Variants in AFF2 observed in about 807,000 individuals in gnomAD.
AFF2 encodes the protein ALF transcription elongation factor 2.
In AFF2, 14 loss-of-function variants were observed where a neutral mutation model predicts 76.9. The observed-to-expected ratio is 0.18, with a 90% CI of 0.12 to 0.28. AFF2 has a LOEUF of 0.28. AFF2 is among the 10% of genes least tolerant of loss of function. The probability of loss-of-function intolerance (pLI) is 1.00; values close to 1 mark genes in which losing one functional copy is unlikely to be tolerated. For missense variants in AFF2, 868 were observed against 1,001.1 expected (o/e 0.87, Z 1.79); for synonymous variants, 398 against 366.7 (o/e 1.09, Z -0.98).
At chrX:148,580,516 C>T (rs1207368674) in intron 1 of AFF2, among the ~76,000 whole-genome samples, 3 of 111,270 alleles carry the variant, frequency 2.7e-5, no homozygotes, top group African/African-American at 9.8e-5. Context: ...GAAAATGTGT[C>T]TAGATCAGGA....
chrX:148,699,476 A>G (rs1337508287), intron 3 of AFF2, among the ~76,000 whole-genome samples: 2 of 111,765 alleles, frequency 1.8e-5, no homozygotes, highest in Non-Finnish European at 3.8e-5. Flanking sequence ...AATAGCATCT[A>G]TAATGCCATC....
chrX:148,992,074 A>AGT lies in AFF2; in HGVS notation c.*742_*743insGT, dbSNP rs1557292384. 1.0e-3 allele frequency: 115 copies of AGT among 111,984 alleles called. 5 individuals carry two copies. The highest frequency in any genetic ancestry group is 9.7e-3 in the Admixed American group (102 of 10,555). 9.2% of individuals were successfully genotyped at this position (111,984 alleles called of 1,213,427 possible). On this transcript the variant is annotated 3_prime_UTR_variant, in exon 21 of 21. Transcript: ENST00000370460. ...GCTGGCATCAGTGTTTTTCAACTCC[A>AGT]TTATTTGAAGTGTAAATCCTCACCT...
At chrX:148,755,865 T>G (rs1206692343) in intron 3 of AFF2, among the ~76,000 whole-genome samples, 1 of 111,752 alleles carries the variant, frequency 8.9e-6, no homozygotes, top group Non-Finnish European at 1.9e-5. Flanking sequence ...ATCTGAGCCC[T>G]TTGCTCCTTC....
intron 1 of AFF2, among the ~76,000 whole-genome samples, chrX:148,608,906 A>G (rs782773239): frequency 9.9e-4 from 111 of 111,843 alleles, no homozygotes; most frequent in African/African-American, 3.6e-3. Flanking sequence ...TTCAATGTGC[A>G]CTTAAGTTTC....
At chrX:148,957,601 G>A (rs1192197414) in intron 11 of AFF2, among the ~76,000 whole-genome samples, 1 of 112,448 alleles carries the variant, frequency 8.9e-6, no homozygotes, top group Non-Finnish European at 1.9e-5. Flanking sequence ...GTTCACTGGA[G>A]CATTTTCAGA....
In AFF2 at chrX:148,980,773, A is replaced by G. The variant is rs886044827; in HGVS notation, c.3606A>G (p.Pro1202=). 3.4e-6 allele frequency: 4 copies of G among 1,193,553 alleles called. No individual in the cohort carries two copies. Among genetic ancestry groups the G allele is most frequent in the Non-Finnish European group, 4.5e-6 (4 of 882,996 alleles). The part of the protein sequence containing the change: ...NASKVAQIPS[P]WVSNGKNTPS... ...CAAAAGTCGCACAGATACCCTCTCC[A>G]TGGGTAAGCAATGGAAAGTAAGTAT... The change falls in exon 19 of 21, where the codon CCA becomes CCG. Residue 1202 remains proline, a synonymous_variant. Coordinates refer to ENST00000370460, the MANE Select transcript of AFF2 (RefSeq NM_002025.4).
intron 9 of AFF2, among the ~76,000 whole-genome samples, chrX:148,937,654 C>T (rs1221080275): frequency 8.9e-6 from 1 of 111,911 alleles, no homozygotes; most frequent in African/African-American, 3.3e-5. Flanking sequence ...GTTATTCACA[C>T]AAACAGAGTG....
At chrX:148,554,885 C>T (rs1420780340) in intron 1 of AFF2, among the ~76,000 whole-genome samples, 1 of 112,438 alleles carries the variant, frequency 8.9e-6, no homozygotes, top group Non-Finnish European at 1.9e-5. Flanking sequence ...AAGACGCTGG[C>T]AGAGTCAGTC....
Position 148,726,644 on chromosome X carries a change from G to GCCA in AFF2, c.1041+63876_1041+63877insCCA, listed in dbSNP as rs782553702. Among the ~76,000 whole-genome samples the GCCA allele has an allele frequency of 1.5e-3, 171 of 111,830 alleles. 1 individual carries two copies. The highest frequency in any genetic ancestry group is 5.4e-3 in the African/African-American group (168 of 30,832). ...GTATTGATCTCAGTCGTGTCTTTTA[G>GCCA]GGGTCATGGATTTAGCCAGTTAAAA... On this transcript the variant is annotated intron_variant, in intron 3 of 20. Transcript: ENST00000370460.
At chrX:148,813,098 G>T (rs1425787600) in intron 4 of AFF2, among the ~76,000 whole-genome samples, 1 of 112,404 alleles carries the variant, frequency 8.9e-6, no homozygotes, top group African/African-American at 3.2e-5. Context: ...CTTGAACCTC[G>T]TTGTCTTATT....
At chrX:148,581,280 GTA>G (rs1242254914) in intron 1 of AFF2, among the ~76,000 whole-genome samples, 47 of 199 alleles carry the variant, frequency 0.24, 2 homozygotes, top group Non-Finnish European at 0.33. Context: ...ACATATACAC[GTA>G]TATACGTATA....
Position 148,861,151 on chromosome X carries a change from C to A in AFF2, c.1262+17718C>A, listed in dbSNP as rs1307993528. ...TGAGAAATTGAGTATACTGACTCAT[C>A]TTCTAATTGAAAATTGCGTTGCTGC... On this transcript the variant is annotated intron_variant, in intron 7 of 20. Coordinates refer to ENST00000370460, the MANE Select transcript of AFF2 (RefSeq NM_002025.4). Among the ~76,000 whole-genome samples, 4 of 111,602 alleles carry A rather than the reference C, an allele frequency of 3.6e-5. No individual in the cohort carries two copies. In the Admixed American group the frequency reaches 3.8e-4, roughly 11 times the overall value.
At chrX:148,790,688 G>C (rs1380433282) in intron 3 of AFF2, among the ~76,000 whole-genome samples, 11 of 109,410 alleles carry the variant, frequency 1.0e-4, no homozygotes, top group African/African-American at 3.3e-4. Flanking sequence ...GGGCCTGTTG[G>C]GGGTGGGGTT....
At chrX:148,524,992 T>G (rs1473522103) in intron 1 of AFF2, among the ~76,000 whole-genome samples, 1 of 112,504 alleles carries the variant, frequency 8.9e-6, no homozygotes, top group African/African-American at 3.2e-5. Flanking sequence ...GTAAATTAAC[T>G]GTACAAAAAG....
intron 1 of AFF2, among the ~76,000 whole-genome samples, chrX:148,505,029 C>A (rs1346442717): frequency 3.6e-5 from 4 of 110,801 alleles, no homozygotes; most frequent in African/African-American, 1.3e-4. Context: ...AGATTCCCAG[C>A]ATTTCTTGTT....
chrX:148,897,681 G>T (rs1349598544), intron 8 of AFF2, among the ~76,000 whole-genome samples: 2 of 110,039 alleles, frequency 1.8e-5, no homozygotes, highest in Non-Finnish European at 1.9e-5. Flanking sequence ...GTTATGAATG[G>T]TAGGGAGAAA....
intron 4 of AFF2, among the ~76,000 whole-genome samples, chrX:148,831,616 G>A (rs1272607174): frequency 7.2e-5 from 8 of 111,850 alleles, no homozygotes; most frequent in African/African-American, 9.8e-5. Flanking sequence ...GCCTGGCTTT[G>A]CTCTCCTATC....
intron 3 of AFF2, among the ~76,000 whole-genome samples, chrX:148,790,852 A>G (rs1557269883): frequency 8.9e-6 from 1 of 112,013 alleles, no homozygotes; most frequent in Non-Finnish European, 1.9e-5. Context: ...TAAAATAAAA[A>G]TAAAAAGATT....
intron 1 of AFF2, among the ~76,000 whole-genome samples, chrX:148,510,150 G>C (rs782363126): frequency 4.5e-5 from 5 of 111,911 alleles, no homozygotes; most frequent in Non-Finnish European, 9.4e-5. Context: ...ATAACCTAAT[G>C]CTGCCAGTTC....
Sources: allele counts gnomAD v4.1 joint callset (sites outside exome capture counted in the v4.1 genomes callset), GRCh38; gene constraint gnomAD v4.1.1; transcripts MANE v1.5; gene names NCBI Gene and HGNC (gene_info 2026-07-23, HGNC 2026-07-21).